ROPN1L: variants seen among roughly 807,000 people sequenced by gnomAD.
ROPN1L encodes the protein ropporin-1-like protein.
Under a neutral mutation model 22.7 loss-of-function variants are expected in ROPN1L, and 23 were observed. That is an observed-to-expected ratio of 1.01 (90% CI 0.73 to 1.43). The LOEUF is 1.43. ROPN1L is among the 40% of genes most tolerant of loss of function. The pLI, the probability that ROPN1L is intolerant of heterozygous loss-of-function variation, is 0.00. For synonymous variants in ROPN1L, 116 were observed against 117.8 expected (o/e 0.98, Z 0.10); for missense variants, 271 against 291.5 (o/e 0.93, Z 0.51).
chr5:10,472,325 C>A (rs1170565358), downstream of ROPN1L, among the ~76,000 whole-genome samples: 18 of 152,164 alleles, frequency 1.2e-4, no homozygotes, highest in Admixed American at 9.8e-4. Flanking sequence ...TGTCTGAGTT[C>A]TTTGGGCTTG....
the ROPN1L span, among the ~76,000 whole-genome samples, chr5:10,479,011 G>A: frequency 1.3e-5 from 2 of 152,152 alleles, no homozygotes; most frequent in African/African-American, 4.8e-5. Context: ...GAAGATTAAT[G>A]CCTTCGAAAT....
chr5:10,467,733 G>C (rs1430319790), downstream of ROPN1L, among the ~76,000 whole-genome samples: 1 of 152,224 alleles, frequency 6.6e-6, no homozygotes, highest in East Asian at 1.9e-4. Context: ...GCATGACTCA[G>C]CTTGCAGCTT....
chr5:10,460,552 G>A (rs1031958350), intron 3 of ROPN1L, among the ~76,000 whole-genome samples: 4 of 152,392 alleles, frequency 2.6e-5, no homozygotes, highest in Non-Finnish European at 5.9e-5. Context: ...TGTCTGGGAT[G>A]AGCCCAGCAG....
chr5:10,464,205 C>T (rs895834134), intron 4 of ROPN1L, among the ~76,000 whole-genome samples: 3 of 152,178 alleles, frequency 2.0e-5, no homozygotes, highest in African/African-American at 7.2e-5. Flanking sequence ...CTTTTTCCTC[C>T]TTCCTCTGTC....
At chr5:10,450,223 A>G (rs768059861) in intron 3 of ROPN1L, 110 bp downstream of exon 3, 28 of 846,524 alleles carry the variant, frequency 3.3e-5, no homozygotes, top group Non-Finnish European at 4.6e-5. Flanking sequence ...TTTGTCTTAG[A>G]AAAGCATTTC....
chr5:10,476,711 TA>T (rs1340894517), downstream of ROPN1L, among the ~76,000 whole-genome samples: 6 of 152,212 alleles, frequency 3.9e-5, no homozygotes, highest in Non-Finnish European at 8.8e-5. Context: ...GAATGAGCAT[TA>T]AAACAAAGAC....
At chr5:10,461,414 G>C in intron 4 of ROPN1L, 55 bp downstream of exon 4, 1 of 1,486,510 alleles carries the variant, frequency 6.7e-7, no homozygotes, top group Non-Finnish European at 9.3e-7. Flanking sequence ...AGAATTTCCT[G>C]TTTCACTTCC....
downstream of ROPN1L, among the ~76,000 whole-genome samples, chr5:10,466,894 C>A (rs145863352): frequency 3.9e-5 from 6 of 152,208 alleles, no homozygotes; most frequent in African/African-American, 9.6e-5. Context: ...TCTCCGGAGG[C>A]CTCTCTCCGT....
At chr5:10,468,557 G>C (rs1331234320), downstream of ROPN1L, among the ~76,000 whole-genome samples, 1 of 152,178 alleles carries the variant, frequency 6.6e-6, no homozygotes, top group Non-Finnish European at 1.5e-5. Flanking sequence ...TTGTCTTTAG[G>C]GGGTAACTCA....
chr5:10,470,275 TACAA>T (rs56055614), intron 4 of ROPN1L, among the ~76,000 whole-genome samples: 111,221 of 152,154 alleles, frequency 0.73, 41,637 homozygotes, highest in Non-Finnish European at 0.81. Context: ...GTACAATTTG[TACAA>T]TTGTACAATC....
intron 1 of ROPN1L, among the ~76,000 whole-genome samples, chr5:10,443,738 T>C (rs1484529047): frequency 3.9e-5 from 6 of 152,220 alleles, no homozygotes; most frequent in Non-Finnish European, 2.9e-5. Context: ...CTCTTTCCAG[T>C]GGTTCTCAGG....
downstream of ROPN1L, among the ~76,000 whole-genome samples, chr5:10,467,620 G>T (rs1735176637): frequency 6.6e-6 from 1 of 152,176 alleles, no homozygotes; most frequent in Admixed American, 6.5e-5. Context: ...CAGTAAATCT[G>T]CGCTTCACCC....
chr5:10,454,246 C>T (rs1741347728), intron 3 of ROPN1L, among the ~76,000 whole-genome samples: 1 of 152,164 alleles, frequency 6.6e-6, no homozygotes, highest in Non-Finnish European at 1.5e-5. Context: ...CCCACCTCAG[C>T]CTCCCAAGTC....
In ROPN1L at chr5:10,446,473, C is replaced by T. The variant is rs140654671; in HGVS notation, c.132-1787C>T. 7.2e-3 allele frequency among the ~76,000 whole-genome samples: 1,098 copies of T among 152,178 alleles called. 15 individuals are homozygous for T. The highest frequency in any genetic ancestry group is 0.025 in the African/African-American group (1,033 of 41,504). ...CAGGAGTTTGAGACCACCCTGGGGG[C>T]AACATGGTGAAACCCCGTCTCTAAT... On this transcript the variant is annotated intron_variant, in intron 1 of 4. Transcript: ENST00000274134.
downstream of ROPN1L, among the ~76,000 whole-genome samples, chr5:10,467,281 A>AC (rs529800403): frequency 7.3e-5 from 11 of 151,636 alleles, no homozygotes; most frequent in South Asian, 2.1e-3. Context: ...ATAGAAAAAA[A>AC]AAAAAACCAG....
chr5:10,460,993 T>G (rs1735012280), intron 3 of ROPN1L, among the ~76,000 whole-genome samples, 191 bp from the exon 4 acceptor site: 1 of 152,224 alleles, frequency 6.6e-6, no homozygotes, highest in Non-Finnish European at 1.5e-5. Context: ...TGCACCCCAT[T>G]CGAACCTTTC....
chr5:10,468,999 C>A (rs1327244893), downstream of ROPN1L, among the ~76,000 whole-genome samples: 1 of 151,720 alleles, frequency 6.6e-6, no homozygotes, highest in Non-Finnish European at 1.5e-5. Flanking sequence ...ACTAAAAATA[C>A]AAAAAATTAG....
chr5:10,449,732 C>T (rs530551143), intron 2 of ROPN1L, among the ~76,000 whole-genome samples: 6 of 152,090 alleles, frequency 3.9e-5, no homozygotes, highest in South Asian at 2.1e-4. Flanking sequence ...ATGCCGTATT[C>T]GCTTCACCGT....
At chr5:10,460,582 G>A (rs1251980945) in intron 3 of ROPN1L, among the ~76,000 whole-genome samples, 1 of 152,272 alleles carries the variant, frequency 6.6e-6, no homozygotes, top group African/African-American at 2.4e-5. Flanking sequence ...GTGTGAGGGA[G>A]ATGAACGGTC....
Sources: allele counts gnomAD v4.1 joint callset (sites outside exome capture counted in the v4.1 genomes callset), GRCh38; gene constraint gnomAD v4.1.1; transcripts MANE v1.5; gene names NCBI Gene and HGNC (gene_info 2026-07-23, HGNC 2026-07-21).